The following LIPA variants were observed in gnomAD, a reference collection of about 807,000 sequenced individuals.
LIPA encodes lysosomal acid lipase/cholesteryl ester hydrolase.
Under a neutral mutation model 40.6 loss-of-function variants are expected in LIPA, and 26 were observed. That is an observed-to-expected ratio of 0.64 (90% CI 0.47 to 0.89). The LOEUF (loss-of-function observed/expected upper bound fraction) is 0.89. Ranked by LOEUF, LIPA falls within the 40% of genes least tolerant of loss-of-function variation. The pLI, the probability that LIPA is intolerant of heterozygous loss-of-function variation, is 0.00. For missense variants in LIPA, 455 were observed against 479.6 expected, an observed-to-expected ratio of 0.95 and a Z score of 0.48; for synonymous variants, 188 against 168.4, an observed-to-expected ratio of 1.12 and a Z score of -0.90.
At chr10:89,348,352 T>C (rs1843937455) in intron 2 of LIPA, among the ~76,000 whole-genome samples, 1 of 152,238 alleles carries the variant, frequency 6.6e-6, no homozygotes, top group Non-Finnish European at 1.5e-5. Flanking sequence ...TCAGCAATCA[T>C]ATATTTTTGT....
rs1401536225 is a variant in LIPA at position 89,384,094 on chromosome 10, T to C, written c.61+28697A>G. On this transcript the variant is annotated intron_variant, in intron 2 of 8. Coordinates refer to the LIPA transcript ENST00000371837. ...TGTCTTTCAATATGCAGCCAAGTTT[T>C]ATCGAAGAAAAGGGTCTGTGGATAA... 1.9e-6 allele frequency: 3 copies of C among 1,614,182 alleles called. No homozygotes were observed. Among genetic ancestry groups the C allele is most frequent in the Non-Finnish European group, 1.7e-6 (2 of 1,180,034 alleles).
chr10:89,302,214 C>T (rs528727283), intron 1 of LIPA: 42 of 1,403,920 alleles, frequency 3.0e-5, no homozygotes, highest in Middle Eastern at 3.6e-4. Context: ...CCAAAGAGGG[C>T]CAGCTCCATT....
rs538779257 is a variant in LIPA, at chr10:89,376,260, C to T, written c.61+36531G>A. On this transcript the variant is annotated intron_variant, in intron 2 of 8. Coordinates refer to the LIPA transcript ENST00000371837. ...CATTCTTCTAGGAACTTGTCTCATG[C>T]GAATGGGGAGATGTGGTCTATCTCA... Among the ~76,000 whole-genome samples the T allele has an allele frequency of 8.0e-5, 12 of 150,476 alleles. No homozygotes were observed. The East Asian group carries it at 1.6e-3, about 20-fold the overall frequency.
chr10:89,333,374 C>G (rs1315304159), intron 1 of LIPA, among the ~76,000 whole-genome samples: 1 of 152,130 alleles, frequency 6.6e-6, no homozygotes, highest in Non-Finnish European at 1.5e-5. Context: ...TTAAAGAGGA[C>G]CACAAGTACT....
intron 1 of LIPA, among the ~76,000 whole-genome samples, chr10:89,318,803 A>G (rs1843555565): frequency 6.6e-6 from 1 of 152,222 alleles, no homozygotes. Flanking sequence ...AACTGACCAC[A>G]TAGTTGGAAG....
At chr10:89,357,270 T>A (rs1261110899) in intron 2 of LIPA, among the ~76,000 whole-genome samples, 1 of 152,174 alleles carries the variant, frequency 6.6e-6, no homozygotes, top group Non-Finnish European at 1.5e-5. Flanking sequence ...CCTCCCTGAA[T>A]CTAAACCCCT....
At chr10:89,254,712 A>G (rs1187028549), upstream of LIPA, among the ~76,000 whole-genome samples, 1 of 152,144 alleles carries the variant, frequency 6.6e-6, no homozygotes, top group Non-Finnish European at 1.5e-5. Context: ...CTGAACTTTT[A>G]TGTTTTGTTT....
At chr10:89,238,721 T>C (rs951229448) in intron 3 of LIPA, among the ~76,000 whole-genome samples, 7 of 152,190 alleles carry the variant, frequency 4.6e-5, no homozygotes, top group South Asian at 2.1e-4. Context: ...ATTTTCCTTA[T>C]GATTTCCTTA....
intron 1 of LIPA, among the ~76,000 whole-genome samples, chr10:89,319,547 G>T (rs943048596): frequency 6.6e-6 from 1 of 152,014 alleles, no homozygotes; most frequent in Non-Finnish European, 1.5e-5. Flanking sequence ...CAATAACAGG[G>T]TCTGAAATTG....
intron 1 of LIPA, among the ~76,000 whole-genome samples, chr10:89,309,678 T>C (rs2133525187): frequency 6.6e-6 from 1 of 152,254 alleles, no homozygotes; most frequent in South Asian, 2.1e-4. Context: ...GGACCCTTAG[T>C]GGGAAAACAG....
chr10:89,232,804 G>T (rs1842858456), intron 3 of LIPA, among the ~76,000 whole-genome samples: 1 of 152,234 alleles, frequency 6.6e-6, no homozygotes, highest in Non-Finnish European at 1.5e-5. Flanking sequence ...ATGGGGAAAT[G>T]TGGAAGCTGA....
At chr10:89,377,784 T>A (rs187950408) in intron 2 of LIPA, among the ~76,000 whole-genome samples, 1 of 152,284 alleles carries the variant, frequency 6.6e-6, no homozygotes, top group African/African-American at 2.4e-5. Context: ...TGCCACTGGT[T>A]TTTCCACAAC....
intron 1 of LIPA, among the ~76,000 whole-genome samples, chr10:89,309,867 T>A (rs1046508047): frequency 6.6e-6 from 1 of 152,232 alleles, no homozygotes; most frequent in African/African-American, 2.4e-5. Flanking sequence ...CCCAGCCTTT[T>A]AGCCACATTT....
intron 1 of LIPA, among the ~76,000 whole-genome samples, chr10:89,316,086 A>C (rs1333610403): frequency 1.3e-5 from 2 of 152,208 alleles, no homozygotes; most frequent in Non-Finnish European, 2.9e-5. Flanking sequence ...ATTATTAAAA[A>C]TGCAGTTTCA....
At chr10:89,299,595 A>G (rs1438902764) in intron 1 of LIPA, among the ~76,000 whole-genome samples, 1 of 152,196 alleles carries the variant, frequency 6.6e-6, no homozygotes, top group African/African-American at 2.4e-5. Flanking sequence ...AAAATTTTAA[A>G]GACAGCAAAG....
chr10:89,283,280 T>C (rs1843325488), intron 1 of LIPA, among the ~76,000 whole-genome samples: 1 of 152,230 alleles, frequency 6.6e-6, no homozygotes, highest in African/African-American at 2.4e-5. Flanking sequence ...CTGTTTTTTA[T>C]AGGTCATTTT....
intron 1 of LIPA, among the ~76,000 whole-genome samples, chr10:89,289,063 C>A (rs1843356292): frequency 6.6e-6 from 1 of 152,246 alleles, no homozygotes; most frequent in African/African-American, 2.4e-5. Flanking sequence ...GCTAAAGAAG[C>A]AGCTAGCATT....
chr10:89,232,688 G>A (rs963187690), intron 3 of LIPA, among the ~76,000 whole-genome samples: 3 of 152,210 alleles, frequency 2.0e-5, no homozygotes, highest in Non-Finnish European at 2.9e-5. Flanking sequence ...GGAGATGTTG[G>A]CCAGCACATG....
intron 1 of LIPA, among the ~76,000 whole-genome samples, chr10:89,261,015 A>T (rs939115558): frequency 2.6e-5 from 4 of 152,158 alleles, no homozygotes; most frequent in African/African-American, 7.2e-5. Context: ...AATTTCTAGA[A>T]ATTATTGTCT....
Sources: gnomAD v4.1 joint callset for allele counts (sites outside exome capture counted in the v4.1 genomes callset) on GRCh38, gnomAD v4.1.1 for gene constraint, MANE v1.5 for transcripts, NCBI Gene and HGNC (gene_info 2026-07-23, HGNC 2026-07-21) for gene names.